The following CSPP1 variants were observed in gnomAD, a reference collection of about 807,000 sequenced individuals.
CSPP1 encodes centrosome and spindle pole-associated protein 1.
Under a neutral mutation model 164.4 loss-of-function variants are expected in CSPP1, and 126 were observed. That is an observed-to-expected ratio of 0.77 (90% CI 0.66 to 0.89). The LOEUF is 0.89. Among genes scored for constraint, CSPP1 ranks in the 40% least tolerant of loss-of-function variants. CSPP1 has a pLI of 0.00. For missense variants in CSPP1, 1,395 were observed against 1,449.8 expected, an observed-to-expected ratio of 0.96 and a Z score of 0.61; for synonymous variants, 472 against 476.7, an observed-to-expected ratio of 0.99 and a Z score of 0.13.
intron 3 of CSPP1, among the ~76,000 whole-genome samples, chr8:67,079,261 A>G (rs903657865): frequency 6.6e-6 from 1 of 152,130 alleles, no homozygotes; most frequent in Non-Finnish European, 1.5e-5. Context: ...CTGATTTTCC[A>G]TTGGACATCT....
intron 3 of CSPP1, among the ~76,000 whole-genome samples, chr8:67,078,422 A>G (rs1194103697): frequency 6.6e-6 from 1 of 151,912 alleles, no homozygotes; most frequent in South Asian, 2.1e-4. Flanking sequence ...GCTCACTGCA[A>G]CCTCCACTGT....
chr8:67,070,618 G>A lies in CSPP1; in HGVS notation c.-10-3625G>A, dbSNP rs58978789. On this transcript the variant is annotated intron_variant, in intron 1 of 30. Transcript: ENST00000678616. ...CCACTGCACACTAGCCTGGGCAGCA[G>A]AGCGAGACCTCATCTCTAAAAAACA... Among the ~76,000 whole-genome samples the A allele has an allele frequency of 2.5e-3, 379 of 151,902 alleles. 2 individuals are homozygous for A. The highest frequency in any genetic ancestry group is 8.8e-3 in the African/African-American group (363 of 41,460).
intron 15 of CSPP1, chr8:67,123,035 T>C (rs1386179636): frequency 6.6e-6 from 1 of 152,404 alleles, no homozygotes; most frequent in African/African-American, 2.4e-5. Context: ...CAGCTAGGAC[T>C]ACAGCCGTGT....
At chr8:67,098,475 T>G (rs1308899876) in intron 7 of CSPP1, among the ~76,000 whole-genome samples, 2 of 151,866 alleles carry the variant, frequency 1.3e-5, no homozygotes, top group Admixed American at 6.6e-5. Flanking sequence ...AAAACTTTTC[T>G]CAGAAAATGA....
intron 21 of CSPP1, among the ~76,000 whole-genome samples, chr8:67,160,219 G>T (rs1343885936): frequency 6.7e-6 from 1 of 150,330 alleles, no homozygotes; most frequent in Non-Finnish European, 1.5e-5. Flanking sequence ...CATCATTTAA[G>T]AATTTAAGGT....
chr8:67,149,645 G>T, intron 17 of CSPP1, 138 bp from the exon 18 acceptor site: 1 of 524,250 alleles, frequency 1.9e-6, no homozygotes, highest in Non-Finnish European at 3.2e-6. Context: ...TCTTTTCAGG[G>T]CACCAACATA....
At chr8:67,193,709 A>G in intron 30 of CSPP1, 107 bp downstream of exon 30, 1 of 979,838 alleles carries the variant, frequency 1.0e-6, no homozygotes, top group Non-Finnish European at 1.5e-6. Context: ...ATGAGTTTGA[A>G]GACCTTTGAG....
intron 24 of CSPP1, among the ~76,000 whole-genome samples, chr8:67,167,299 C>A (rs905251672): frequency 7.2e-5 from 11 of 151,894 alleles, no homozygotes; most frequent in Admixed American, 2.0e-4. Flanking sequence ...GAAGGGGCGG[C>A]CGGGCAGAGG....
intron 28 of CSPP1, among the ~76,000 whole-genome samples, chr8:67,182,013 A>G (rs1833176983): frequency 6.6e-6 from 1 of 151,718 alleles, no homozygotes. Context: ...TTCTTTTTTT[A>G]CCCCTTAGAG....
At chr8:67,185,063 C>G (rs540524503) in intron 28 of CSPP1, among the ~76,000 whole-genome samples, 2 of 150,518 alleles carry the variant, frequency 1.3e-5, no homozygotes, top group East Asian at 3.9e-4. Context: ...TGAGATCGCA[C>G]CACTGCACTC....
chr8:67,116,168 C>A, intron 13 of CSPP1, 46 bp downstream of exon 13: 1 of 1,360,826 alleles, frequency 7.3e-7, no homozygotes, highest in Non-Finnish European at 1.1e-6. Flanking sequence ...TAAGGTATTG[C>A]TATATTTTAT....
intron 17 of CSPP1, among the ~76,000 whole-genome samples, chr8:67,139,796 G>C (rs1244271380): frequency 6.6e-6 from 1 of 152,076 alleles, no homozygotes; most frequent in Non-Finnish European, 1.5e-5. Flanking sequence ...TGAACAATGA[G>C]AACACATGGA....
intron 28 of CSPP1, among the ~76,000 whole-genome samples, chr8:67,182,015 C>T (rs1833177892): frequency 6.6e-6 from 1 of 151,808 alleles, no homozygotes; most frequent in Admixed American, 6.6e-5. Flanking sequence ...CTTTTTTTAC[C>T]CCTTAGAGAC....
Position 67,124,767 on chromosome 8 carries a change from A to C in CSPP1, c.1697+5946A>C, listed in dbSNP as rs149189507. On this transcript the variant is annotated intron_variant, in intron 15 of 30. Coordinates refer to ENST00000678616, the MANE Select transcript of CSPP1 (RefSeq NM_001382391.1). ...TATGATCATAGCTCACTGCAGTGTC[A>C]AACTCCTGGATTTAAGGGATCCTCC... 7.0e-3 allele frequency among the ~76,000 whole-genome samples: 1,064 copies of C among 152,228 alleles called. 9 individuals carry two copies. Among genetic ancestry groups the C allele is most frequent in the Non-Finnish European group, 0.012 (821 of 68,006 alleles).
chr8:67,171,166 C>T (rs1252614317), intron 24 of CSPP1, among the ~76,000 whole-genome samples: 5 of 149,970 alleles, frequency 3.3e-5, no homozygotes, highest in Non-Finnish European at 3.0e-5. Context: ...TTTGGGAGGC[C>T]GAGGTGAGCA....
intron 29 of CSPP1, 62 bp downstream of exon 29, chr8:67,190,821 C>T: frequency 8.2e-7 from 1 of 1,222,616 alleles, no homozygotes; most frequent in Non-Finnish European, 1.2e-6. Context: ...GGGTTCTGAC[C>T]TGTGCTAAAT....
intron 2 of CSPP1, 31 bp downstream of exon 2, chr8:67,074,382 T>G (rs766473609): frequency 2.1e-5 from 28 of 1,329,384 alleles, no homozygotes; most frequent in Non-Finnish European, 2.5e-5. Context: ...TGAACATGTT[T>G]TATTATAATT....
At chr8:67,127,050 G>A (rs1820219859) in intron 15 of CSPP1, among the ~76,000 whole-genome samples, 1 of 151,558 alleles carries the variant, frequency 6.6e-6, no homozygotes, top group Non-Finnish European at 1.5e-5. Context: ...ACTGTCTTTG[G>A]GCAGCGTTTG....
In CSPP1 at chr8:67,089,833, T is replaced by G. The variant is rs147356204; in HGVS notation, c.304-1970T>G. On this transcript the variant is annotated intron_variant, in intron 4 of 30. Coordinates refer to ENST00000678616, the MANE Select transcript of CSPP1 (RefSeq NM_001382391.1). ...GTAGAGACAGGGTAATAAAAAAAAG[T>G]TTTTTTTTTGTTTTTTTTTTTAAAT... Among the ~76,000 whole-genome samples, 810 of 147,652 alleles carry G rather than the reference T, an allele frequency of 5.5e-3. 8 individuals carry two copies. The highest frequency in any genetic ancestry group is 0.012 in the African/African-American group (487 of 40,250).
Sources: gnomAD v4.1 joint callset for allele counts (sites outside exome capture counted in the v4.1 genomes callset) on GRCh38, gnomAD v4.1.1 for gene constraint, MANE v1.5 for transcripts, NCBI Gene and HGNC (gene_info 2026-07-23, HGNC 2026-07-21) for gene names.